Variants in ZNF883 observed in about 807,000 individuals in gnomAD.
ZNF883 encodes zinc finger protein 883.
chr9:113,007,695 C>A (rs1045924066), intron 2 of ZNF883, among the ~76,000 whole-genome samples: 16 of 152,134 alleles, frequency 1.1e-4, no homozygotes, highest in African/African-American at 3.9e-4. Context: ...CTAAACCTCA[C>A]AAATGATGTC....
chr9:112,992,938 C>A (rs1439728880), downstream of ZNF883, among the ~76,000 whole-genome samples: 2 of 152,152 alleles, frequency 1.3e-5, no homozygotes, highest in Non-Finnish European at 2.9e-5. Flanking sequence ...ATGTTCCTCT[C>A]TACTGGTTTT....
chr9:112,988,326 T>C (rs1307021220), intron 1 of ZNF883, among the ~76,000 whole-genome samples: 1 of 149,624 alleles, frequency 6.7e-6, no homozygotes, highest in African/African-American at 2.4e-5. Flanking sequence ...GGCCCCAGTG[T>C]GTATTGTTCC....
At chr9:112,998,104 C>T in exon 1 of ZNF883, 1 of 1,613,852 alleles carries the variant, frequency 6.2e-7, no homozygotes, top group Admixed American at 1.7e-5. Context: ...GATTACTGTT[C>T]CGGGTAAAGG....
intron 2 of ZNF883, among the ~76,000 whole-genome samples, chr9:113,009,969 AT>A (rs1828516501): frequency 6.6e-6 from 1 of 152,204 alleles, no homozygotes; most frequent in East Asian, 1.9e-4. Flanking sequence ...GAATTAGTAC[AT>A]TTTTGAATTA....
At chr9:112,997,790 T>C in exon 1 of ZNF883, 1 of 1,613,582 alleles carries the variant, frequency 6.2e-7, no homozygotes, top group Non-Finnish European at 8.5e-7. Flanking sequence ...TTTTCCACAT[T>C]CAGTACATTC....
At chr9:113,007,136 G>A (rs751466442) in intron 2 of ZNF883, among the ~76,000 whole-genome samples, 1 of 152,204 alleles carries the variant, frequency 6.6e-6, no homozygotes, top group African/African-American at 2.4e-5. Flanking sequence ...GGAGGTTGCA[G>A]TGAGCTGAGA....
downstream of ZNF883, among the ~76,000 whole-genome samples, chr9:112,993,062 C>T (rs2118600416): frequency 6.6e-6 from 1 of 152,320 alleles, no homozygotes; most frequent in East Asian, 1.9e-4. Context: ...CTGAAGCCTA[C>T]TTCTGTCAAT....
intron 1 of ZNF883, among the ~76,000 whole-genome samples, chr9:112,990,372 CAT>C (rs1828290479): frequency 6.6e-6 from 1 of 152,146 alleles, no homozygotes; most frequent in Non-Finnish European, 1.5e-5. Flanking sequence ...TTGAGATAAT[CAT>C]GTGGTTTTTG....
intron 2 of ZNF883, among the ~76,000 whole-genome samples, chr9:113,007,799 T>G (rs1828492627): frequency 6.6e-6 from 1 of 152,184 alleles, no homozygotes. Flanking sequence ...CCAACAGTAA[T>G]GAACTGACTT....
At chr9:112,999,482 A>G (rs947675661), upstream of ZNF883, among the ~76,000 whole-genome samples, 39 of 152,086 alleles carry the variant, frequency 2.6e-4, no homozygotes, top group African/African-American at 9.4e-4. Flanking sequence ...AGTAAGCATC[A>G]TATCCCTCAA....
At chr9:113,002,560 C>T (rs912792633), upstream of ZNF883, among the ~76,000 whole-genome samples, 1 of 152,138 alleles carries the variant, frequency 6.6e-6, no homozygotes, top group African/African-American at 2.4e-5. Flanking sequence ...TGGGAACTCT[C>T]TGTAATATAT....
At chr9:113,001,736 T>G (rs975474101), upstream of ZNF883, among the ~76,000 whole-genome samples, 1 of 152,212 alleles carries the variant, frequency 6.6e-6, no homozygotes, top group Admixed American at 6.5e-5. Context: ...TTTATATGGT[T>G]CTTCTTAGTT....
At chr9:112,992,412 C>T (rs567238315), downstream of ZNF883, among the ~76,000 whole-genome samples, 3 of 152,318 alleles carry the variant, frequency 2.0e-5, no homozygotes, top group East Asian at 3.9e-4. Flanking sequence ...TATTGGCCTC[C>T]TCTTCAAGCT....
At chr9:112,989,729 A>G (rs1828283340) in intron 1 of ZNF883, among the ~76,000 whole-genome samples, 1 of 152,124 alleles carries the variant, frequency 6.6e-6, no homozygotes, top group African/African-American at 2.4e-5. Context: ...CATTTTCACG[A>G]TATTGATTCT....
At chr9:113,008,461 T>C (rs1828499812) in intron 2 of ZNF883, among the ~76,000 whole-genome samples, 1 of 152,156 alleles carries the variant, frequency 6.6e-6, no homozygotes, top group Admixed American at 6.5e-5. Flanking sequence ...ATAGTTTTGA[T>C]CCAATGGAAT....
downstream of ZNF883, among the ~76,000 whole-genome samples, chr9:112,995,031 T>C (rs1016894945): frequency 6.6e-6 from 1 of 152,224 alleles, no homozygotes; most frequent in Non-Finnish European, 1.5e-5. Flanking sequence ...ATTTTATGTG[T>C]CAACTTGACG....
chr9:112,992,253 A>G (rs1056424162), downstream of ZNF883, among the ~76,000 whole-genome samples: 2 of 152,198 alleles, frequency 1.3e-5, no homozygotes, highest in East Asian at 1.9e-4. Context: ...TGCTTCCTTC[A>G]GGAGCTCTTG....
At chr9:113,001,138 A>T (rs537706362), upstream of ZNF883, among the ~76,000 whole-genome samples, 125 of 152,246 alleles carry the variant, frequency 8.2e-4, no homozygotes, top group Middle Eastern at 3.4e-3. Flanking sequence ...TTAGCAGAAG[A>T]CAAGAATCTA....
chr9:112,998,171 T>G (rs932058326), exon 1 of ZNF883: 1 of 1,613,956 alleles, frequency 6.2e-7, no homozygotes, highest in Non-Finnish European at 8.5e-7. Context: ...TTTCTGATGC[T>G]GGGTCAGGGA....
Sources: gnomAD v4.1 joint callset for allele counts (sites outside exome capture counted in the v4.1 genomes callset) on GRCh38, gnomAD v4.1.1 for gene constraint, MANE v1.5 for transcripts, NCBI Gene and HGNC (gene_info 2026-07-23, HGNC 2026-07-21) for gene names.